The following PCDHA10 variants were observed in gnomAD, a reference collection of about 807,000 sequenced individuals.
The protein encoded by PCDHA10 is protocadherin alpha-10.
A neutral mutation model predicts 61.2 loss-of-function variants in PCDHA10; 45 were observed. That is an observed-to-expected ratio of 0.74 (90% CI 0.58 to 0.94). PCDHA10 has a LOEUF of 0.94. PCDHA10 is among the 40% of genes least tolerant of loss of function. PCDHA10 has a pLI of 0.00. For missense variants in PCDHA10, 1,278 were observed against 1,236.2 expected (o/e 1.03, Z -0.51); for synonymous variants, 602 against 548.8 (o/e 1.10, Z -1.35).
intron 1 of PCDHA10, among the ~76,000 whole-genome samples, chr5:140,931,398 T>C: frequency 6.6e-6 from 1 of 152,112 alleles, no homozygotes; most frequent in African/African-American, 2.4e-5. Context: ...AAGTAAGCGA[T>C]AGGAAGGCTG....
intron 1 of PCDHA10, among the ~76,000 whole-genome samples, chr5:140,887,915 C>T (rs566586212): frequency 6.6e-6 from 1 of 152,290 alleles, no homozygotes; most frequent in Non-Finnish European, 1.5e-5. Flanking sequence ...GTGTATTCTT[C>T]ATTTCAGAGA....
At chr5:140,882,481 C>T in intron 1 of PCDHA10, 2 of 1,614,038 alleles carry the variant, frequency 1.2e-6, no homozygotes, top group Middle Eastern at 1.7e-4. Flanking sequence ...CCAAAAGACA[C>T]GGGGACCTTC....
chr5:140,962,339 G>A (rs1454430913), intron 1 of PCDHA10, among the ~76,000 whole-genome samples: 1 of 152,152 alleles, frequency 6.6e-6, no homozygotes, highest in Non-Finnish European at 1.5e-5. Flanking sequence ...TGATAAAGAA[G>A]TAAAACTCCC....
In PCDHA10 at chr5:140,879,837, T is replaced by C. The variant is rs150709679; in HGVS notation, c.2388+21401T>C. ...GTTGGTGTTCCCTGGCTTGTGGCTGTACCACTCCCATCTCAGCCTTCTCAG... is the reference window on the plus strand; with the variant it reads ...GTTGGTGTTCCCTGGCTTGTGGCTGCACCACTCCCATCTCAGCCTTCTCAG... On this transcript the variant is annotated intron_variant, in intron 1 of 3. Coordinates refer to ENST00000307360, the MANE Select transcript of PCDHA10 (RefSeq NM_018901.4). Among the ~76,000 whole-genome samples, 861 of 152,350 alleles carry C rather than the reference T, an allele frequency of 5.7e-3. 5 individuals are homozygous for C. The highest frequency in any genetic ancestry group is 0.014 in the Middle Eastern group (4 of 294).
intron 1 of PCDHA10, chr5:140,858,764 G>A: frequency 4.4e-6 from 2 of 451,976 alleles, no homozygotes; most frequent in South Asian, 5.7e-5. Context: ...ACAAATATTT[G>A]TGAGATTAGT....
intron 1 of PCDHA10, among the ~76,000 whole-genome samples, chr5:140,933,147 A>G (rs1584764690): frequency 6.6e-6 from 1 of 151,986 alleles, no homozygotes. Context: ...ATAGCCACTC[A>G]TTTTGTTCCC....
At chr5:140,944,051 C>G (rs1383787401) in intron 1 of PCDHA10, among the ~76,000 whole-genome samples, 1 of 152,086 alleles carries the variant, frequency 6.6e-6, no homozygotes, top group East Asian at 1.9e-4. Context: ...GATTGGGATA[C>G]AAAAAGGTTT....
At chr5:140,871,497 G>T in intron 1 of PCDHA10, 1 of 1,586,946 alleles carries the variant, frequency 6.3e-7, no homozygotes, top group East Asian at 2.3e-5. Context: ...CCGGACAGGT[G>T]AGTTTTCTAC....
At chr5:140,899,359 T>A (rs1247414230) in intron 1 of PCDHA10, among the ~76,000 whole-genome samples, 57 of 152,234 alleles carry the variant, frequency 3.7e-4, no homozygotes, top group Admixed American at 1.4e-3. Flanking sequence ...TTTTGAGATA[T>A]GTCCCATCAA....
intron 3 of PCDHA10, among the ~76,000 whole-genome samples, chr5:140,986,734 C>T (rs2153854061): frequency 6.6e-6 from 1 of 152,260 alleles, no homozygotes; most frequent in Non-Finnish European, 1.5e-5. Context: ...TCTCAAGACC[C>T]CAGGGGATCT....
At chr5:140,989,462 G>A (rs531421005) in intron 3 of PCDHA10, among the ~76,000 whole-genome samples, 27 of 152,326 alleles carry the variant, frequency 1.8e-4, no homozygotes, top group Non-Finnish European at 2.9e-4. Context: ...GTTAGGCTTG[G>A]AACTCCTCCT....
intron 1 of PCDHA10, among the ~76,000 whole-genome samples, chr5:140,977,651 G>T (rs1554238723): frequency 6.6e-6 from 1 of 152,136 alleles, no homozygotes; most frequent in East Asian, 1.9e-4. Flanking sequence ...CCTTGACTTT[G>T]GCTAATTCTC....
rs782782390 is a variant in PCDHA10 at position 140,856,337 on chromosome 5, C to T, written c.289C>T (p.Arg97Trp). 2.5e-6 allele frequency: 4 copies of T among 1,598,496 alleles called. 1 individual carries two copies. The Admixed American group carries it at 5.1e-5, about 20-fold the overall frequency. Residue 97 changes from arginine (R) to tryptophan (W), a missense_variant, in exon 1 of 4, where the codon CGG becomes TGG. Physicochemically the swap from Arg to Trp is moderately radical, Grantham distance 101. Transcript: ENST00000307360. ...SRIDREELCG[R>W]SVECSIHLEV... ...GATTGACCGCGAGGAGCTGTGCGGG[C>T]GGAGCGTGGAGTGCAGCATCCACCT...
chr5:140,928,172 C>T (rs782267454), intron 1 of PCDHA10: 1 of 1,614,200 alleles, frequency 6.2e-7, no homozygotes, highest in South Asian at 1.1e-5. Flanking sequence ...CCACTTAGCA[C>T]CCGAAGGACA....
At chr5:140,877,681 C>T (rs1554169975) in intron 1 of PCDHA10, 2 of 1,613,678 alleles carry the variant, frequency 1.2e-6, no homozygotes, top group Non-Finnish European at 1.7e-6. Context: ...GCCGGGCAAG[C>T]CCACGCTGGT....
intron 1 of PCDHA10, chr5:140,883,017 C>G: frequency 6.2e-7 from 1 of 1,614,054 alleles, no homozygotes. Context: ...TATAAAGTGA[C>G]GGTGTTAGAG....
intron 1 of PCDHA10, among the ~76,000 whole-genome samples, chr5:140,933,676 A>AT (rs1400784175): frequency 6.6e-6 from 1 of 151,552 alleles, no homozygotes; most frequent in Non-Finnish European, 1.5e-5. Context: ...TCTCTCTCAC[A>AT]TTTTTTTTCC....
intron 1 of PCDHA10, chr5:140,929,684 A>C: frequency 3.4e-6 from 1 of 294,182 alleles, no homozygotes; most frequent in Non-Finnish European, 6.5e-6. Flanking sequence ...AATATGTAAG[A>C]GTCTGCTTTA....
intron 3 of PCDHA10, among the ~76,000 whole-genome samples, chr5:140,995,324 G>C (rs1290299693): frequency 1.3e-5 from 2 of 152,190 alleles, no homozygotes; most frequent in Non-Finnish European, 2.9e-5. Context: ...GAACTAACAG[G>C]TGAGTAGTGT....
Sources: allele counts gnomAD v4.1 joint callset (sites outside exome capture counted in the v4.1 genomes callset), GRCh38; gene constraint gnomAD v4.1.1; transcripts MANE v1.5; gene names NCBI Gene and HGNC (gene_info 2026-07-23, HGNC 2026-07-21).